The following MCHR2 variants were observed in gnomAD, a reference collection of about 807,000 sequenced individuals.
MCHR2 encodes the protein melanin-concentrating hormone receptor 2.
A neutral mutation model predicts 24.8 loss-of-function variants in MCHR2; 15 were observed. The observed-to-expected ratio is 0.60, with a 90% CI of 0.40 to 0.93. MCHR2 has a LOEUF of 0.93. Among genes scored for constraint, MCHR2 ranks in the 40% least tolerant of loss-of-function variants. MCHR2 has a pLI of 0.00. For synonymous variants in MCHR2, 151 were observed against 147.6 expected (o/e 1.02, Z -0.17); for missense variants, 386 against 408.7 (o/e 0.94, Z 0.48).
chr6:99,991,584 G>T (rs1015872989), intron 1 of MCHR2, among the ~76,000 whole-genome samples: 1 of 152,032 alleles, frequency 6.6e-6, no homozygotes, highest in Admixed American at 6.6e-5. Context: ...GAGGCAGGTG[G>T]ATCAGGAGGT....
rs1774193729 is a variant in MCHR2 at position 99,920,138 on chromosome 6, C to CT, written c.*801dup. ...AGAACAAAGATAATCCAAAATGATG[C>CT]TTAAAACATCAACTCATTTCTATCA... On this transcript the variant is annotated 3_prime_UTR_variant, in exon 6 of 6. Coordinates refer to ENST00000281806, the MANE Select transcript of MCHR2 (RefSeq NM_001040179.2). 1 of 152,208 alleles carries CT rather than the reference C, an allele frequency of 6.6e-6. No individual in the cohort carries two copies. The highest frequency in any genetic ancestry group is 2.4e-5 in the African/African-American group (1 of 41,446). 9.4% of individuals were successfully genotyped at this position (152,208 alleles called of 1,614,324 possible). A position where few individuals can be genotyped will look rare whatever the true frequency, so the allele number is the denominator to read the frequency against.
intron 2 of MCHR2, among the ~76,000 whole-genome samples, chr6:99,951,576 C>G (rs191886759): frequency 2.0e-5 from 3 of 152,158 alleles, no homozygotes; most frequent in Non-Finnish European, 4.4e-5. Flanking sequence ...TATTGGCCAA[C>G]TGGACCACAG....
At chr6:99,937,001 T>C (rs552297670) in intron 4 of MCHR2, among the ~76,000 whole-genome samples, 1 of 152,104 alleles carries the variant, frequency 6.6e-6, no homozygotes, top group Admixed American at 6.5e-5. Context: ...TTCTGATTTC[T>C]TTGTCAGATT....
At chr6:99,944,754 T>C (rs1362359170) in intron 3 of MCHR2, among the ~76,000 whole-genome samples, 1 of 152,188 alleles carries the variant, frequency 6.6e-6, no homozygotes, top group African/African-American at 2.4e-5. Flanking sequence ...TAAGGAATCT[T>C]CTCTGATAGC....
chr6:99,992,051 A>G (rs1436067397), intron 1 of MCHR2, among the ~76,000 whole-genome samples: 1 of 152,260 alleles, frequency 6.6e-6, no homozygotes, highest in Non-Finnish European at 1.5e-5. Context: ...TGGAGGCTGA[A>G]TAAGTGATAG....
intron 1 of MCHR2, among the ~76,000 whole-genome samples, chr6:99,983,688 A>C (rs1775717083): frequency 6.6e-6 from 1 of 151,808 alleles, no homozygotes; most frequent in South Asian, 2.1e-4. Flanking sequence ...TCCTCGAAAC[A>C]CTCTCTTCTC....
chr6:99,925,280 G>C (rs1354572965), intron 5 of MCHR2, among the ~76,000 whole-genome samples: 1 of 151,374 alleles, frequency 6.6e-6, no homozygotes, highest in Non-Finnish European at 1.5e-5. Context: ...TTCAGTCTAT[G>C]TGTGTCTTTA....
chr6:99,976,812 A>G (rs1357687758), intron 1 of MCHR2, among the ~76,000 whole-genome samples: 1 of 152,228 alleles, frequency 6.6e-6, no homozygotes, highest in African/African-American at 2.4e-5. Context: ...CCTGCTGACT[A>G]GGAACCAGGG....
chr6:99,976,890 C>T (rs532472764), intron 1 of MCHR2, among the ~76,000 whole-genome samples: 4 of 152,346 alleles, frequency 2.6e-5, no homozygotes, highest in South Asian at 4.1e-4. Flanking sequence ...TTGCCTCACA[C>T]GCTTGCTGGC....
At chr6:99,976,677 C>A (rs939188596) in intron 1 of MCHR2, among the ~76,000 whole-genome samples, 6 of 152,096 alleles carry the variant, frequency 3.9e-5, no homozygotes, top group Non-Finnish European at 8.8e-5. Context: ...TGCCAATGCA[C>A]CCACCTGGAC....
intron 5 of MCHR2, among the ~76,000 whole-genome samples, chr6:99,931,824 C>A (rs921026312): frequency 6.6e-6 from 1 of 152,316 alleles, no homozygotes; most frequent in East Asian, 1.9e-4. Context: ...CTTTGGTTCG[C>A]TCACGGTGCA....
intron 1 of MCHR2, among the ~76,000 whole-genome samples, chr6:99,983,444 A>C (rs922602385): frequency 7.9e-5 from 12 of 152,180 alleles, no homozygotes; most frequent in Admixed American, 4.6e-4. Context: ...CCCTATACAT[A>C]CTATTTTTTA....
At chr6:99,974,080 G>C (rs1317754107) in intron 1 of MCHR2, among the ~76,000 whole-genome samples, 1 of 152,130 alleles carries the variant, frequency 6.6e-6, no homozygotes, top group Non-Finnish European at 1.5e-5. Flanking sequence ...GACGTTCTCT[G>C]TATTTCCTGA....
intron 5 of MCHR2, among the ~76,000 whole-genome samples, chr6:99,932,857 AG>A (rs1299197872): frequency 6.6e-6 from 1 of 152,162 alleles, no homozygotes; most frequent in Non-Finnish European, 1.5e-5. Flanking sequence ...AAACTAGTGA[AG>A]TCCAGTAAAG....
intron 4 of MCHR2, among the ~76,000 whole-genome samples, chr6:99,936,227 G>A (rs1774657916): frequency 6.6e-6 from 1 of 151,838 alleles, no homozygotes; most frequent in South Asian, 2.1e-4. Context: ...ATCCACTTTT[G>A]CTTAGGTTGC....
intron 1 of MCHR2, among the ~76,000 whole-genome samples, chr6:99,969,214 G>A (rs1302708706): frequency 2.6e-5 from 4 of 152,120 alleles, no homozygotes; most frequent in African/African-American, 9.7e-5. Flanking sequence ...GGTGGCTCAT[G>A]CCTGTAATCC....
At chr6:99,948,247 T>G (rs1012766220) in intron 2 of MCHR2, among the ~76,000 whole-genome samples, 3 of 152,160 alleles carry the variant, frequency 2.0e-5, no homozygotes, top group Non-Finnish European at 4.4e-5. Flanking sequence ...GCTGACCTTA[T>G]TAACTTGCTT....
Position 99,959,480 on chromosome 6 carries a change from G to A in MCHR2, c.-27-3306C>T, listed in dbSNP as rs570793551. ...GCAAAGTTACAAGGAAAACAAAGAA[G>A]CAGAGAAAAATTGCCCAATCAAATG... is the stretch of plus-strand genomic sequence containing the variant. On this transcript the variant is annotated intron_variant, in intron 1 of 5. Transcript: ENST00000281806. Among the ~76,000 whole-genome samples the A allele has an allele frequency of 5.6e-4, 85 of 151,518 alleles. 1 individual carries two copies. Among genetic ancestry groups the A allele is most frequent in the Non-Finnish European group, 9.4e-4 (64 of 67,888 alleles).
chr6:99,919,526 A>G lies in MCHR2; in HGVS notation c.*1414T>C, dbSNP rs1015873485. Among the ~76,000 whole-genome samples, 1 of 152,178 alleles carries G rather than the reference A, an allele frequency of 6.6e-6. No homozygotes were observed. Among genetic ancestry groups the G allele is most frequent in the Non-Finnish European group, 1.5e-5 (1 of 68,036 alleles). ...AGGTGGGTTTACAGACTTTATCCACAAGCAAAAATAACAATATTTGTCTTA... is the reference window on the plus strand; with the variant it reads ...AGGTGGGTTTACAGACTTTATCCACGAGCAAAAATAACAATATTTGTCTTA... On this transcript the variant is annotated 3_prime_UTR_variant, in exon 6 of 6. Transcript: ENST00000281806.
Sources: gnomAD v4.1 joint callset for allele counts (sites outside exome capture counted in the v4.1 genomes callset) on GRCh38, gnomAD v4.1.1 for gene constraint, MANE v1.5 for transcripts, NCBI Gene and HGNC (gene_info 2026-07-23, HGNC 2026-07-21) for gene names.